The following RALYL variants were observed in gnomAD, a reference collection of about 807,000 sequenced individuals.
RALYL encodes the protein RNA-binding Raly-like protein.
Under a neutral mutation model 35.1 loss-of-function variants are expected in RALYL, and 29 were observed. The observed-to-expected ratio is 0.83, with a 90% CI of 0.61 to 1.13. RALYL has a LOEUF of 1.13. Ranked by LOEUF, RALYL falls within the 50% of genes most tolerant of loss-of-function variation. RALYL has a pLI of 0.00. For synonymous variants in RALYL, 120 were observed against 127.6 expected (o/e 0.94, Z 0.40); for missense variants, 359 against 360.4 (o/e 1.00, Z 0.03).
chr8:84,299,355 C>T (rs1405489827), intron 1 of RALYL, among the ~76,000 whole-genome samples: 1 of 151,962 alleles, frequency 6.6e-6, no homozygotes, highest in African/African-American at 2.4e-5. Flanking sequence ...TGATGTGCTG[C>T]TGGATTCAGT....
At chr8:84,402,250 A>G (rs2042992072) in intron 1 of RALYL, among the ~76,000 whole-genome samples, 1 of 152,236 alleles carries the variant, frequency 6.6e-6, no homozygotes, top group Non-Finnish European at 1.5e-5. Context: ...TCACCATAGC[A>G]AATATGCTAC....
At chr8:84,755,163 T>A (rs1345692651) in intron 2 of RALYL, among the ~76,000 whole-genome samples, 1 of 152,140 alleles carries the variant, frequency 6.6e-6, no homozygotes, top group African/African-American at 2.4e-5. Context: ...CACAACATAG[T>A]ATGATGCTAG....
At chr8:84,669,207 C>G (rs991435131) in intron 2 of RALYL, among the ~76,000 whole-genome samples, 1 of 152,150 alleles carries the variant, frequency 6.6e-6, no homozygotes, top group African/African-American at 2.4e-5. Context: ...ACTGGGTACA[C>G]TTTGACTCTG....
rs113756112 is a variant in RALYL at position 84,628,731 on chromosome 8, G to A, written c.256+99154G>A. On this transcript the variant is annotated intron_variant, in intron 2 of 8. Transcript: ENST00000521268. ...CCAAGTAAGAAGGGTGGATAGAGGG[G>A]CCTAGCAGGAATAACAGTAGCAGTC... Among the ~76,000 whole-genome samples, 1,322 of 152,104 alleles carry A rather than the reference G, an allele frequency of 8.7e-3. 13 individuals carry two copies. The highest frequency in any genetic ancestry group is 0.014 in the Non-Finnish European group (971 of 67,980).
intron 1 of RALYL, among the ~76,000 whole-genome samples, chr8:84,463,356 T>A (rs2051052067): frequency 6.6e-6 from 1 of 152,094 alleles, no homozygotes; most frequent in South Asian, 2.1e-4. Flanking sequence ...AATAGCATAC[T>A]GCACTATCAT....
intron 1 of RALYL, among the ~76,000 whole-genome samples, chr8:84,398,460 T>C (rs2042562753): frequency 1.3e-5 from 2 of 152,158 alleles, no homozygotes; most frequent in South Asian, 4.1e-4. Context: ...TTGTGAAAGA[T>C]AAGAGGACCT....
At chr8:84,391,756 A>G (rs1860749294) in intron 1 of RALYL, among the ~76,000 whole-genome samples, 1 of 152,052 alleles carries the variant, frequency 6.6e-6, no homozygotes, top group African/African-American at 2.4e-5. Flanking sequence ...TGATATAGCT[A>G]AAGTAGTACC....
At chr8:84,555,288 T>TATACAC (rs2061034723) in intron 2 of RALYL, among the ~76,000 whole-genome samples, 1 of 150,690 alleles carries the variant, frequency 6.6e-6, no homozygotes, top group Admixed American at 6.6e-5. Flanking sequence ...AATATATACA[T>TATACAC]ACACACACAC....
chr8:84,452,014 T>C (rs1340353260), intron 1 of RALYL, among the ~76,000 whole-genome samples: 1 of 151,942 alleles, frequency 6.6e-6, no homozygotes, highest in East Asian at 1.9e-4. Context: ...ACAGACCAAA[T>C]CTGTGCCCTT....
intron 1 of RALYL, among the ~76,000 whole-genome samples, chr8:84,433,546 G>T (rs1373463909): frequency 6.6e-6 from 1 of 151,964 alleles, no homozygotes; most frequent in African/African-American, 2.4e-5. Context: ...TTGAATCATG[G>T]GGGCTGGTCT....
At chr8:84,801,180 G>T (rs1241966717) in intron 3 of RALYL, among the ~76,000 whole-genome samples, 2 of 152,134 alleles carry the variant, frequency 1.3e-5, no homozygotes, top group African/African-American at 4.8e-5. Flanking sequence ...TGAGACAAAA[G>T]GTAGAGTGGC....
chr8:84,452,093 G>C (rs2049542161), intron 1 of RALYL, among the ~76,000 whole-genome samples: 1 of 151,844 alleles, frequency 6.6e-6, no homozygotes, highest in Non-Finnish European at 1.5e-5. Context: ...CCACAGATAG[G>C]GCAGTGTGAC....
chr8:84,919,392 G>T (rs1454713305), intron 8 of RALYL, among the ~76,000 whole-genome samples: 1 of 151,780 alleles, frequency 6.6e-6, no homozygotes, highest in African/African-American at 2.4e-5. Context: ...GATCATTGTT[G>T]ATATGTGCAT....
intron 2 of RALYL, among the ~76,000 whole-genome samples, chr8:84,623,370 T>G (rs969985958): frequency 6.6e-6 from 1 of 152,302 alleles, no homozygotes; most frequent in African/African-American, 2.4e-5. Flanking sequence ...TCAAAGGGCA[T>G]ATCTTGATAT....
intron 2 of RALYL, among the ~76,000 whole-genome samples, chr8:84,555,204 G>A (rs555877578): frequency 2.8e-4 from 43 of 152,212 alleles, no homozygotes; most frequent in African/African-American, 8.7e-4. Flanking sequence ...GCTTGAACCC[G>A]GGAGGCAGAG....
intron 8 of RALYL, among the ~76,000 whole-genome samples, chr8:84,902,988 G>A (rs1845935564): frequency 6.6e-6 from 1 of 152,168 alleles, no homozygotes. Flanking sequence ...GGAGTCCAAA[G>A]TAGGAGGATC....
At chr8:84,237,974 C>T (rs796961526) in intron 1 of RALYL, among the ~76,000 whole-genome samples, 2 of 117,784 alleles carry the variant, frequency 1.7e-5, no homozygotes, top group African/African-American at 7.9e-5. Context: ...AAATATGAAT[C>T]TAAAAAAAAG....
intron 2 of RALYL, among the ~76,000 whole-genome samples, chr8:84,618,479 T>C (rs1478097617): frequency 3.4e-5 from 5 of 148,064 alleles, no homozygotes; most frequent in African/African-American, 5.1e-5. Flanking sequence ...TTGATTCTTC[T>C]CTCTTTTTTT....
At chr8:84,727,233 CTT>C (rs200380629) in intron 2 of RALYL, among the ~76,000 whole-genome samples, 10,148 of 152,036 alleles carry the variant, frequency 0.067, 771 homozygotes, top group African/African-American at 0.19. Context: ...TTGGGCATCT[CTT>C]AAGATGTATG....
Sources: gnomAD v4.1 joint callset for allele counts (sites outside exome capture counted in the v4.1 genomes callset) on GRCh38, gnomAD v4.1.1 for gene constraint, MANE v1.5 for transcripts, NCBI Gene and HGNC (gene_info 2026-07-23, HGNC 2026-07-21) for gene names.